CANX: variants seen among roughly 807,000 people sequenced by gnomAD.
CANX encodes calnexin.
Under a neutral mutation model 75.7 loss-of-function variants are expected in CANX, and 14 were observed. That is an observed-to-expected ratio of 0.19 (90% CI 0.12 to 0.29). CANX has a LOEUF of 0.29. Among genes scored for constraint, CANX ranks in the 10% least tolerant of loss-of-function variants. The probability of loss-of-function intolerance (pLI) is 1.00; values close to 1 mark genes in which losing one functional copy is unlikely to be tolerated. For missense variants in CANX, 567 were observed against 713.2 expected, an observed-to-expected ratio of 0.79 and a Z score of 2.34; for synonymous variants, 227 against 236.9, an observed-to-expected ratio of 0.96 and a Z score of 0.38.
intron 6 of CANX, 58 bp downstream of exon 6, chr5:179,709,117 T>A: frequency 9.3e-7 from 1 of 1,072,090 alleles, no homozygotes; most frequent in Non-Finnish European, 1.5e-6. Context: ...TTGTAAGAAT[T>A]TTGTAATTGG....
intron 11 of CANX, 140 bp from the exon 12 acceptor site, chr5:179,723,520 T>C: frequency 1.2e-6 from 1 of 819,522 alleles, no homozygotes; most frequent in Non-Finnish European, 1.9e-6. Flanking sequence ...TCTAATTTCT[T>C]TTTTACATTT....
chr5:179,714,472 A>C (rs895333752), intron 7 of CANX, among the ~76,000 whole-genome samples: 4 of 152,198 alleles, frequency 2.6e-5, no homozygotes, highest in African/African-American at 9.6e-5. Context: ...GTATATACAC[A>C]TATACAACTT....
Position 179,724,617 on chromosome 5 carries a change from T to G in CANX, c.1519-40T>G, listed in dbSNP as rs777350171. The G allele has an allele frequency of 1.9e-6, 3 of 1,583,352 alleles. No homozygotes were observed. In the East Asian group the frequency reaches 6.7e-5, roughly 35 times the overall value. ...TTCAGGAATTATATAACATAATACA[T>G]GAACATGTAAACAAAATTGTACTTT... On this transcript the variant is annotated intron_variant, in intron 12 of 14. Transcript: ENST00000247461.
intron 1 of CANX, among the ~76,000 whole-genome samples, chr5:179,682,873 A>C (rs1045403395): frequency 2.0e-5 from 3 of 152,180 alleles, no homozygotes; most frequent in African/African-American, 7.2e-5. Context: ...AACAATAAGG[A>C]GACCCCAATC....
At position 179,726,706 on chromosome 5, in the gene CANX, G is replaced by A. The variant is rs759725745; in HGVS notation, c.1672G>A (p.Glu558Lys). The A allele has an allele frequency of 2.5e-6, 4 of 1,613,698 alleles. No individual in the cohort carries two copies. The highest frequency in any genetic ancestry group is 3.4e-6 in the Non-Finnish European group (4 of 1,179,644). ...AGAGAAACAGAAAAGTGATGCTGAA[G>A]AAGATGGTGGCACTGTCAGTCAAGA... Reference protein sequence around the residue: ...LEEKQKSDAEEDGGTVSQEEE... With the variant: ...LEEKQKSDAEKDGGTVSQEEE... Residue 558 changes from glutamate (E) to lysine (K), a missense_variant, in exon 14 of 15, where the codon GAA becomes AAA. Glu to Lys is a moderately conservative substitution (Grantham distance 56). Around this residue, in one of 3 missense-constraint regions of CANX, gnomAD observed 167 missense variants for 179.3 expected, o/e 0.93. Transcript: ENST00000247461.
At chr5:179,708,453 C>A (rs1341565491) in intron 5 of CANX, 73 bp downstream of exon 5, 1 of 1,372,866 alleles carries the variant, frequency 7.3e-7, no homozygotes, top group Non-Finnish European at 1.0e-6. Context: ...AACTTTTACT[C>A]TATGTTAAAA....
intron 5 of CANX, 79 bp downstream of exon 5, chr5:179,708,459 TA>T: frequency 1.5e-6 from 2 of 1,313,754 alleles, no homozygotes; most frequent in South Asian, 1.4e-5. Context: ...TACTCTATGT[TA>T]AAAAATTATG....
chr5:179,706,580 A>G (rs895915276), intron 3 of CANX, among the ~76,000 whole-genome samples: 1 of 151,974 alleles, frequency 6.6e-6, no homozygotes, highest in Admixed American at 6.6e-5. Context: ...AGTAGCTGGG[A>G]TTATAGGCAT....
intron 1 of CANX, among the ~76,000 whole-genome samples, chr5:179,681,705 G>A (rs1413279864): frequency 1.3e-5 from 2 of 152,106 alleles, no homozygotes; most frequent in Non-Finnish European, 2.9e-5. Flanking sequence ...TCAGTAGGGC[G>A]CCAGCTGAGG....
chr5:179,681,096 C>CA (rs1374042916), intron 1 of CANX: 1 of 589,804 alleles, frequency 1.7e-6, no homozygotes, highest in East Asian at 2.9e-5. Flanking sequence ...GCCTCCAGGC[C>CA]AGGCCACCCC....
At chr5:179,710,635 G>A (rs1777482473) in intron 7 of CANX, among the ~76,000 whole-genome samples, 2 of 143,382 alleles carry the variant, frequency 1.4e-5, no homozygotes, top group African/African-American at 5.1e-5. Flanking sequence ...ACGAACCCGG[G>A]AGGCAGAGCT....
chr5:179,698,355 A>G, upstream of CANX: 1 of 1,129,658 alleles, frequency 8.9e-7, no homozygotes. Context: ...GAGGCTGCGC[A>G]GGCTCCTGGG....
intron 4 of CANX, among the ~76,000 whole-genome samples, chr5:179,707,689 G>A (rs1348617942): frequency 7.2e-6 from 1 of 138,160 alleles, no homozygotes; most frequent in Admixed American, 7.7e-5. Context: ...AGGGGTGCAT[G>A]TGTAGCCTTA....
intron 12 of CANX, among the ~76,000 whole-genome samples, 176 bp from the exon 13 acceptor site, chr5:179,724,481 A>G (rs994240921): frequency 2.0e-5 from 3 of 152,160 alleles, no homozygotes; most frequent in Non-Finnish European, 4.4e-5. Flanking sequence ...ACACAAGCAC[A>G]TGTGCATACA....
intron 10 of CANX, 115 bp from the exon 11 acceptor site, chr5:179,722,689 C>A: frequency 1.5e-6 from 1 of 649,118 alleles, no homozygotes; most frequent in South Asian, 1.9e-5. Flanking sequence ...TTTCAAGTTT[C>A]ATGAAGTTGG....
chr5:179,712,864 C>T (rs1777671492), intron 7 of CANX, among the ~76,000 whole-genome samples: 1 of 151,776 alleles, frequency 6.6e-6, no homozygotes, highest in African/African-American at 2.4e-5. Context: ...GCTGGGATTA[C>T]AGGCTTGTGC....
chr5:179,699,191 C>G (rs938963271), intron 1 of CANX, 89 bp downstream of exon 1: 2 of 821,238 alleles, frequency 2.4e-6, no homozygotes, highest in African/African-American at 3.7e-5. Flanking sequence ...CGGGCGTGGC[C>G]GGCGACTGAG....
intron 1 of CANX, among the ~76,000 whole-genome samples, chr5:179,686,253 A>G (rs796598835): frequency 3.4e-4 from 50 of 148,544 alleles, no homozygotes; most frequent in African/African-American, 8.1e-4. Flanking sequence ...ACGCGCCACC[A>G]CACCCAGCCA....
chr5:179,680,449 C>T lies in CANX; in HGVS notation c.-4+1672C>T, dbSNP rs368541681. Among the ~76,000 whole-genome samples the T allele has an allele frequency of 3.3e-5, 5 of 152,188 alleles. No homozygotes were observed. In the South Asian group the frequency reaches 1.0e-3, roughly 32 times the overall value. On this transcript the variant is annotated intron_variant, in intron 1 of 14. Transcript: ENST00000681674. ...GGGGACCTGAAACAGCCTCTGCCTG[C>T]CCTCAAGGTGCTCCTAATCCAGCTT...
Sources: gnomAD v4.1 joint callset for allele counts (sites outside exome capture counted in the v4.1 genomes callset) on GRCh38, gnomAD v4.1.1 for gene constraint, gnomAD v4.1.1 regional missense constraint, MANE v1.5 for transcripts, NCBI Gene and HGNC (gene_info 2026-07-23, HGNC 2026-07-21) for gene names.